Variants in ZNF385D observed in about 807,000 individuals in gnomAD.
ZNF385D encodes the protein zinc finger protein 659.
Under a neutral mutation model 35.8 loss-of-function variants are expected in ZNF385D, and 15 were observed. The ratio of observed to expected loss-of-function variants is 0.42; its 90% CI spans 0.28 to 0.64. The LOEUF is 0.64. ZNF385D is among the 30% of genes least tolerant of loss of function. The pLI is 0.23. For synonymous variants in ZNF385D, 212 were observed against 186.8 expected, an observed-to-expected ratio of 1.13 and a Z score of -1.10; for missense variants, 474 against 494.6, an observed-to-expected ratio of 0.96 and a Z score of 0.39.
chr3:22,116,606 GGCAACATTTGAAT>G, intron 3 of ZNF385D, among the ~76,000 whole-genome samples: 1 of 152,062 alleles, frequency 6.6e-6, no homozygotes, highest in African/African-American at 2.4e-5. Flanking sequence ...TTAGAACTGA[GGCAACATTTGAAT>G]GTAAGCTTTC....
At chr3:22,190,468 T>C (rs1261772988) in intron 2 of ZNF385D, among the ~76,000 whole-genome samples, 1 of 152,156 alleles carries the variant, frequency 6.6e-6, no homozygotes, top group Non-Finnish European at 1.5e-5. Context: ...CTAGAGGAAA[T>C]TTTTCCAAAT....
At chr3:22,263,528 C>T (rs562752225) in intron 2 of ZNF385D, among the ~76,000 whole-genome samples, 11 of 152,084 alleles carry the variant, frequency 7.2e-5, no homozygotes, top group Admixed American at 2.6e-4. Flanking sequence ...CAATATTATA[C>T]ATTTTTAAAT....
chr3:22,155,149 A>G (rs1350495662), intron 3 of ZNF385D, among the ~76,000 whole-genome samples: 2 of 152,146 alleles, frequency 1.3e-5, no homozygotes, highest in East Asian at 1.9e-4. Context: ...GAATATATAA[A>G]AATATCACGT....
At chr3:22,258,082 G>C (rs917682625) in intron 2 of ZNF385D, among the ~76,000 whole-genome samples, 1 of 151,764 alleles carries the variant, frequency 6.6e-6, no homozygotes, top group African/African-American at 2.4e-5. Flanking sequence ...AGATATAATA[G>C]AGTAAACTGA....
chr3:21,973,625 G>T lies in ZNF385D; in HGVS notation c.325+195192C>A, dbSNP rs138345170. 6.5e-3 allele frequency among the ~76,000 whole-genome samples: 984 copies of T among 151,944 alleles called. 10 individuals are homozygous for T. Among genetic ancestry groups the T allele is most frequent in the African/African-American group, 0.022 (928 of 41,518 alleles). ...ATCTAAATTGGAAAGGAAAAGGAAA[G>T]AAGTAAAATTATCCTTGTTTGCAGA... On this transcript the variant is annotated intron_variant, in intron 3 of 5. Transcript: ENST00000494108.
chr3:21,787,471 C>T (rs966273516), intron 3 of ZNF385D, among the ~76,000 whole-genome samples: 1 of 152,072 alleles, frequency 6.6e-6, no homozygotes, highest in Non-Finnish European at 1.5e-5. Flanking sequence ...ACTCCTTATC[C>T]AGATGCTAAT....
intron 1 of ZNF385D, among the ~76,000 whole-genome samples, chr3:21,734,262 G>A (rs2069142064): frequency 7.1e-6 from 1 of 140,226 alleles, no homozygotes; most frequent in Admixed American, 7.7e-5. Context: ...AGACTAGGCA[G>A]TAGGAAACCC....
At chr3:21,630,681 G>T (rs183976882) in intron 2 of ZNF385D, among the ~76,000 whole-genome samples, 40 of 152,178 alleles carry the variant, frequency 2.6e-4, no homozygotes, top group Admixed American at 2.2e-3. Flanking sequence ...ATCAGAGTTT[G>T]GATGTTATGA....
intron 2 of ZNF385D, among the ~76,000 whole-genome samples, chr3:22,338,360 TAAGA>T (rs879603769): frequency 5.9e-5 from 9 of 152,084 alleles, no homozygotes; most frequent in Admixed American, 3.3e-4. Flanking sequence ...AAGAAACACA[TAAGA>T]GAGAGAAAAT....
chr3:21,992,410 G>A (rs901632210), intron 3 of ZNF385D, among the ~76,000 whole-genome samples: 16 of 152,172 alleles, frequency 1.1e-4, no homozygotes, highest in African/African-American at 1.7e-4. Context: ...TAGAATAACC[G>A]TTTCTGTGAG....
chr3:21,772,360 A>G (rs2071112780), intron 3 of ZNF385D, among the ~76,000 whole-genome samples: 1 of 149,494 alleles, frequency 6.7e-6, no homozygotes, highest in African/African-American at 2.4e-5. Flanking sequence ...GAATATAGAG[A>G]GAACTCCTAA....
intron 3 of ZNF385D, among the ~76,000 whole-genome samples, chr3:21,936,957 C>T (rs1466879801): frequency 6.6e-6 from 1 of 152,104 alleles, no homozygotes; most frequent in African/African-American, 2.4e-5. Flanking sequence ...AACATCTCAA[C>T]TGTTCAGGTT....
chr3:21,857,991 A>T (rs1026386797), intron 3 of ZNF385D, among the ~76,000 whole-genome samples: 3 of 151,870 alleles, frequency 2.0e-5, no homozygotes, highest in African/African-American at 7.2e-5. Context: ...CTGTAATCCC[A>T]TCTCTACTAA....
intron 3 of ZNF385D, among the ~76,000 whole-genome samples, chr3:21,921,300 C>G (rs1700449922): frequency 1.3e-5 from 2 of 151,638 alleles, no homozygotes; most frequent in African/African-American, 4.8e-5. Context: ...CTCACTCCCC[C>G]AAATCACGTA....
At chr3:22,117,954 A>G (rs796348191) in intron 3 of ZNF385D, among the ~76,000 whole-genome samples, 3 of 152,190 alleles carry the variant, frequency 2.0e-5, no homozygotes, top group African/African-American at 7.2e-5. Flanking sequence ...TCTCATGGAT[A>G]TTACAGAAGT....
intron 4 of ZNF385D, among the ~76,000 whole-genome samples, chr3:21,446,457 A>G (rs1371859803): frequency 6.6e-6 from 1 of 151,320 alleles, no homozygotes; most frequent in Admixed American, 6.6e-5. Flanking sequence ...AAATTCTTTA[A>G]AAAATTTTAG....
intron 2 of ZNF385D, among the ~76,000 whole-genome samples, chr3:21,643,182 A>G (rs2065655990): frequency 6.6e-6 from 1 of 152,178 alleles, no homozygotes; most frequent in Non-Finnish European, 1.5e-5. Context: ...GCCACAGTGT[A>G]TAAAACCTCC....
chr3:21,452,249 G>T (rs963248773), intron 4 of ZNF385D, among the ~76,000 whole-genome samples: 6 of 151,974 alleles, frequency 3.9e-5, no homozygotes, highest in Non-Finnish European at 8.8e-5. Flanking sequence ...GCAGCAACAT[G>T]CTTTCAAAGT....
At chr3:22,073,906 G>A (rs543784723) in intron 3 of ZNF385D, among the ~76,000 whole-genome samples, 6 of 151,624 alleles carry the variant, frequency 4.0e-5, no homozygotes, top group Non-Finnish European at 7.4e-5. Context: ...GAATAGTTTC[G>A]CATCCTTTAA....
Sources: allele counts gnomAD v4.1 joint callset (sites outside exome capture counted in the v4.1 genomes callset), GRCh38; gene constraint gnomAD v4.1.1; transcripts MANE v1.5; gene names NCBI Gene and HGNC (gene_info 2026-07-23, HGNC 2026-07-21).